ROBO1: variants seen among roughly 807,000 people sequenced by gnomAD.
ROBO1 encodes roundabout guidance receptor 1.
In ROBO1, 149 loss-of-function variants were observed where a neutral mutation model predicts 195.9. The observed-to-expected ratio is 0.76, with a 90% confidence interval of 0.67 to 0.87. The LOEUF is 0.87. ROBO1 is among the 40% of genes least tolerant of loss of function. The probability of loss-of-function intolerance (pLI) is 0.00; values close to 1 mark genes in which losing one functional copy is unlikely to be tolerated. For synonymous variants in ROBO1, 816 were observed against 733.2 expected, an observed-to-expected ratio of 1.11 and a Z score of -1.82; for missense variants, 1,933 against 2,068.3, an observed-to-expected ratio of 0.93 and a Z score of 1.27.
chr3:79,377,636 A>G (rs932688136), intron 2 of ROBO1, among the ~76,000 whole-genome samples: 4 of 152,098 alleles, frequency 2.6e-5, no homozygotes, highest in African/African-American at 9.7e-5. Flanking sequence ...ACCCTGTGTC[A>G]TATGTTATTT....
chr3:79,509,917 A>G (rs573533443), intron 2 of ROBO1, among the ~76,000 whole-genome samples: 43 of 152,226 alleles, frequency 2.8e-4, no homozygotes, highest in African/African-American at 9.6e-4. Flanking sequence ...TACTCTTCCC[A>G]GTCATTAAAT....
chr3:79,288,960 G>A (rs766919633), intron 2 of ROBO1, among the ~76,000 whole-genome samples: 2 of 151,912 alleles, frequency 1.3e-5, no homozygotes, highest in African/African-American at 4.8e-5. Context: ...ACTTTGACAA[G>A]GACATTCAAT....
intron 2 of ROBO1, among the ~76,000 whole-genome samples, chr3:79,373,428 G>A (rs1181360773): frequency 6.6e-6 from 1 of 152,070 alleles, no homozygotes; most frequent in Non-Finnish European, 1.5e-5. Context: ...TTTGAAGACT[G>A]CCCTAATTCT....
At chr3:79,702,995 C>T (rs572185514) in intron 1 of ROBO1, among the ~76,000 whole-genome samples, 1 of 151,970 alleles carries the variant, frequency 6.6e-6, no homozygotes, top group Non-Finnish European at 1.5e-5. Flanking sequence ...TGGTGACCTA[C>T]TATTCCCTTG....
At chr3:78,691,099 T>C (rs2081163411) in intron 8 of ROBO1, among the ~76,000 whole-genome samples, 1 of 152,088 alleles carries the variant, frequency 6.6e-6, no homozygotes, top group Non-Finnish European at 1.5e-5. Flanking sequence ...AAAAACCCTC[T>C]TCTATATGTG....
At chr3:78,881,912 C>T (rs2107263595) in intron 4 of ROBO1, among the ~76,000 whole-genome samples, 1 of 152,210 alleles carries the variant, frequency 6.6e-6, no homozygotes, top group South Asian at 2.1e-4. Context: ...GAAAAAAATA[C>T]ATAGAGGTTA....
chr3:79,298,189 T>G (rs903658007), intron 2 of ROBO1, among the ~76,000 whole-genome samples: 1 of 152,124 alleles, frequency 6.6e-6, no homozygotes, highest in Non-Finnish European at 1.5e-5. Context: ...AGAATTCTCT[T>G]AGGATCTTGT....
chr3:78,633,964 T>C lies in ROBO1; in HGVS notation c.3452A>G (p.Asn1151Ser), dbSNP rs548204637. 11 of 1,612,488 alleles carry C rather than the reference T, an allele frequency of 6.8e-6. No homozygotes were observed. In the South Asian group the frequency reaches 1.1e-4, roughly 16 times the overall value. ...TGTACTACTGCCCCGGTCTGAGCTG[T>C]TGTAGGATCCTCCTGTGTTCTGGTC... The part of the protein sequence containing the change: ...SYDQNTGGSY[N>S]SSDRGSSTSG... The change falls in exon 24 of 31, where the codon AAC (asparagine) becomes AGC (serine). Residue 1151 changes from asparagine (N) to serine (S), a missense_variant. Around this residue, in one of 3 missense-constraint regions of ROBO1, gnomAD observed 1,737 missense variants for 1,882.5 expected, o/e 0.92. Coordinates refer to ENST00000464233, the MANE Select transcript of ROBO1 (RefSeq NM_002941.4).
intron 1 of ROBO1, among the ~76,000 whole-genome samples, chr3:79,728,254 T>G (rs1245051511): frequency 6.6e-6 from 1 of 152,118 alleles, no homozygotes; most frequent in African/African-American, 2.4e-5. Context: ...AGAAATTCCT[T>G]TAATCTTGAA....
intron 1 of ROBO1, among the ~76,000 whole-genome samples, chr3:79,760,153 C>T (rs1389175950): frequency 2.9e-5 from 4 of 138,920 alleles, no homozygotes; most frequent in Non-Finnish European, 6.1e-5. Flanking sequence ...AGGAGAATTG[C>T]TTGAACCTAG....
intron 2 of ROBO1, among the ~76,000 whole-genome samples, chr3:79,408,023 C>A (rs911074885): frequency 6.6e-6 from 1 of 151,574 alleles, no homozygotes; most frequent in African/African-American, 2.4e-5. Context: ...TTTTTTAATT[C>A]GATTAAATGT....
chr3:79,016,234 T>C (rs539987119), intron 3 of ROBO1, among the ~76,000 whole-genome samples: 6 of 152,292 alleles, frequency 3.9e-5, no homozygotes, highest in African/African-American at 1.2e-4. Flanking sequence ...ACTAGCTCAA[T>C]AGTTTGGCCT....
intron 4 of ROBO1, among the ~76,000 whole-genome samples, chr3:78,859,213 A>G (rs1000345372): frequency 5.9e-5 from 9 of 152,222 alleles, no homozygotes; most frequent in Admixed American, 5.2e-4. Flanking sequence ...AGTTCTGCCA[A>G]TAGAATAAAT....
intron 1 of ROBO1, among the ~76,000 whole-genome samples, chr3:79,620,045 T>C (rs1399858181): frequency 6.6e-6 from 1 of 152,208 alleles, no homozygotes; most frequent in East Asian, 1.9e-4. Flanking sequence ...TAAGATGCAA[T>C]GGTTAGGCAT....
intron 2 of ROBO1, among the ~76,000 whole-genome samples, chr3:79,389,011 T>C (rs560309642): frequency 2.4e-4 from 37 of 152,228 alleles, no homozygotes; most frequent in African/African-American, 8.9e-4. Flanking sequence ...GAATGATGTG[T>C]AAGTATGCCA....
chr3:79,414,486 T>C (rs937606815), intron 2 of ROBO1, among the ~76,000 whole-genome samples: 5 of 152,196 alleles, frequency 3.3e-5, no homozygotes, highest in Non-Finnish European at 5.9e-5. Flanking sequence ...GGTTATTCTT[T>C]CATCCTCTGG....
intron 3 of ROBO1, among the ~76,000 whole-genome samples, chr3:79,039,952 A>G (rs777483403): frequency 9.2e-5 from 14 of 152,204 alleles, no homozygotes; most frequent in Admixed American, 2.6e-4. Flanking sequence ...GATACTTAAT[A>G]CATATAAATT....
chr3:79,554,143 C>T (rs1942618463), intron 2 of ROBO1, among the ~76,000 whole-genome samples: 1 of 151,860 alleles, frequency 6.6e-6, no homozygotes, highest in Admixed American at 6.6e-5. Flanking sequence ...GTATCATTAT[C>T]CTTGATGTCT....
chr3:78,637,700 T>G (rs79886890), intron 22 of ROBO1, among the ~76,000 whole-genome samples: 6,337 of 152,202 alleles, frequency 0.042, 139 homozygotes, highest in Non-Finnish European at 0.051. Context: ...TATGATTACA[T>G]GAGTATCTAT....
Sources: gnomAD v4.1 joint callset for allele counts (sites outside exome capture counted in the v4.1 genomes callset) on GRCh38, gnomAD v4.1.1 for gene constraint, gnomAD v4.1.1 regional missense constraint, MANE v1.5 for transcripts, NCBI Gene and HGNC (gene_info 2026-07-23, HGNC 2026-07-21) for gene names.